Variants in FIGLA observed in about 807,000 individuals in gnomAD.
FIGLA encodes the protein factor in the germline alpha.
In FIGLA, 17 loss-of-function variants were observed where a neutral mutation model predicts 21.5. The ratio of observed to expected loss-of-function variants is 0.79; its 90% CI spans 0.54 to 1.19. The LOEUF (loss-of-function observed/expected upper bound fraction) is 1.19, where lower values mean the gene tolerates loss of function less well. FIGLA is among the 50% of genes most tolerant of loss of function. FIGLA has a pLI of 0.00. For synonymous variants in FIGLA, 129 were observed against 117.6 expected (o/e 1.10, Z -0.63); for missense variants, 282 against 285.0 (o/e 0.99, Z 0.08).
intron 3 of FIGLA, among the ~76,000 whole-genome samples, chr2:70,780,620 G>A (rs903603025): frequency 1.4e-4 from 21 of 152,032 alleles, no homozygotes; most frequent in African/African-American, 2.9e-4. Context: ...TTGAATAATC[G>A]CTCAACTCAC....
intron 3 of FIGLA, among the ~76,000 whole-genome samples, chr2:70,780,717 G>A (rs1294973668): frequency 6.6e-6 from 1 of 152,160 alleles, no homozygotes; most frequent in East Asian, 1.9e-4. Flanking sequence ...CAAAGAAAAT[G>A]CGAGTTCTTC....
Position 70,790,384 on chromosome 2 carries a change from A to G in FIGLA, c.231+24T>C, listed in dbSNP as rs12713717. The G allele has an allele frequency of 0.29, 436,188 of 1,495,614 alleles. 69,159 individuals are homozygous for G. The highest frequency in any genetic ancestry group is 0.68 in the East Asian group (24,420 of 35,818). The allele number at this position is 1,495,614 out of a possible 1,614,324, so 92.6% of individuals were successfully genotyped here. ...GGTAGAGCAGGGAAGGGGGGAACGGACGTCGACCCTAGGGATCCCTCACCC... is the reference window on the plus strand; with the variant it reads ...GGTAGAGCAGGGAAGGGGGGAACGGGCGTCGACCCTAGGGATCCCTCACCC... On this transcript the variant is annotated intron_variant, in intron 1 of 4. Coordinates refer to ENST00000332372, the MANE Select transcript of FIGLA (RefSeq NM_001004311.3).
At position 70,785,643 on chromosome 2, in the gene FIGLA, G is replaced by T. The variant is rs782622487; in HGVS notation, c.385-4C>A. The T allele has an allele frequency of 6.2e-7, 1 of 1,608,100 alleles. No individual in the cohort carries two copies. Among genetic ancestry groups the T allele is most frequent in the Admixed American group, 1.7e-5 (1 of 60,006 alleles). On this transcript the variant is annotated splice_region_variant and splice_polypyrimidine_tract_variant and intron_variant, in intron 2 of 4. Coordinates refer to ENST00000332372, the MANE Select transcript of FIGLA (RefSeq NM_001004311.3). ...TCTGCTCATCTGGGTCTTGTTTCTG[G>T]AAACCATATTTAGTTGTCAAACAGT...
At position 70,790,555 on chromosome 2, in the gene FIGLA, G is replaced by T. The variant is rs373561603; in HGVS notation, c.84C>A (p.Asp28Glu). Residue 28 changes from aspartate (D) to glutamate (E), a missense_variant, in exon 1 of 5, where the codon GAC (aspartate) becomes GAA (glutamate). Asp to Glu is a conservative substitution (Grantham distance 45). Coordinates refer to ENST00000332372, the MANE Select transcript of FIGLA (RefSeq NM_001004311.3). ...LGTPQAEVLE[D>E]VLREQFGPLP... The stretch of plus-strand genomic sequence containing the variant: ...GCGGCCCGAACTGCTCCCGCAACAC[G>T]TCCTCCAGCACCTCGGCTTGCGGGG... 5.6e-5 allele frequency: 86 copies of T among 1,531,146 alleles called. 1 individual carries two copies. The East Asian group carries it at 1.6e-3, about 28-fold the overall frequency. The allele number at this position is 1,531,146 out of a possible 1,614,324, so 94.8% of individuals were successfully genotyped here. A position where few individuals can be genotyped will look rare whatever the true frequency, so the allele number is the denominator to read the frequency against.
chr2:70,790,473 A>G lies in FIGLA; in HGVS notation c.166T>C (p.Ser56Pro). 6.5e-7 allele frequency: 1 copy of G among 1,545,098 alleles called. No homozygotes were observed. Among genetic ancestry groups the G allele is most frequent in the Non-Finnish European group, 8.7e-7 (1 of 1,146,224 alleles). The change falls in exon 1 of 5, where the codon TCC becomes CCC. Residue 56 changes from serine to proline, a missense_variant. Coordinates refer to ENST00000332372, the MANE Select transcript of FIGLA (RefSeq NM_001004311.3). ...AGCACCAACTGGAGGTTTTCAGTGG[A>G]CGAGTAGCCGCCCGAGGGCAGCCGC... Reference protein sequence around the residue: ...LKRLPSGGYSSTENLQLVLER... With the variant: ...LKRLPSGGYSPTENLQLVLER...
At chr2:70,789,841 G>A (rs1553390574) in intron 1 of FIGLA, among the ~76,000 whole-genome samples, 1 of 152,204 alleles carries the variant, frequency 6.6e-6, no homozygotes, top group African/African-American at 2.4e-5. Context: ...GCTCGACTGG[G>A]AAACACTCAC....
At chr2:70,780,455 A>C (rs1224364118) in intron 3 of FIGLA, among the ~76,000 whole-genome samples, 2 of 152,150 alleles carry the variant, frequency 1.3e-5, no homozygotes, top group Non-Finnish European at 2.9e-5. Flanking sequence ...TTATGGAGTC[A>C]CCGCTTCAGG....
intron 3 of FIGLA, among the ~76,000 whole-genome samples, chr2:70,779,705 A>G (rs1675820263): frequency 6.6e-6 from 1 of 152,182 alleles, no homozygotes; most frequent in African/African-American, 2.4e-5. Context: ...TGTAACAGAT[A>G]CTATGTCTCT....
chr2:70,790,433 A>G lies in FIGLA; in HGVS notation c.206T>C (p.Val69Ala), dbSNP rs1553390692. 9.1e-6 allele frequency: 14 copies of G among 1,541,840 alleles called. No individual in the cohort carries two copies. The highest frequency in any genetic ancestry group is 1.1e-5 in the Non-Finnish European group (13 of 1,144,448). ...NLQLVLERRR[V>A]ANAKERERIK... is the part of the protein sequence containing the mutation. ...CCGCTCACGCTCCTTGGCGTTGGCC[A>G]CACGCCGCCGCTCCAGCACCAACTG... Residue 69 changes from valine (V) to alanine (A), a missense_variant, in exon 1 of 5, where the codon GTG becomes GCG. Transcript: ENST00000332372.
At chr2:70,787,855 C>T (rs959129625) in intron 1 of FIGLA, 54 bp from the exon 2 acceptor site, 1 of 1,571,092 alleles carries the variant, frequency 6.4e-7, no homozygotes, top group Middle Eastern at 1.7e-4. Context: ...GTATAGACAT[C>T]TCCCCAAGCT....
intron 3 of FIGLA, among the ~76,000 whole-genome samples, chr2:70,784,237 G>T (rs1405167238): frequency 2.6e-5 from 4 of 152,026 alleles, no homozygotes; most frequent in South Asian, 2.1e-4. Flanking sequence ...CCAGCAGGAA[G>T]CCTGTAGGAC....
intron 1 of FIGLA, among the ~76,000 whole-genome samples, chr2:70,789,270 T>G (rs951198331): frequency 6.6e-5 from 10 of 152,206 alleles, no homozygotes; most frequent in Non-Finnish European, 1.0e-4. Flanking sequence ...CACTCATTTC[T>G]GTCTTTTCCA....
intron 4 of FIGLA, 67 bp downstream of exon 4, chr2:70,777,570 G>A (rs1675782014): frequency 1.3e-6 from 2 of 1,565,990 alleles, no homozygotes; most frequent in Non-Finnish European, 1.7e-6. Flanking sequence ...GATGGAATTA[G>A]CACTCTTATT....
Position 70,790,440 on chromosome 2 carries a change from G to A in FIGLA, c.199C>T (p.Arg67Trp), listed in dbSNP as rs1365518801. The A allele has an allele frequency of 3.2e-6, 5 of 1,543,566 alleles. No individual in the cohort carries two copies. The highest frequency in any genetic ancestry group is 1.2e-5 in the South Asian group (1 of 83,510). ...CGCTCCTTGGCGTTGGCCACACGCC[G>A]CCGCTCCAGCACCAACTGGAGGTTT... ...TENLQLVLER[R>W]RVANAKERER... is the part of the protein sequence containing the mutation. The change falls in exon 1 of 5, where the codon CGG becomes TGG. Residue 67 changes from arginine to tryptophan, a missense_variant. By Grantham distance (101) the Arg-to-Trp change is moderately radical. Coordinates refer to ENST00000332372, the MANE Select transcript of FIGLA (RefSeq NM_001004311.3).
rs188230255 is a variant in FIGLA at position 70,782,048 on chromosome 2, G to C, written c.609+3367C>G. 4.1e-3 allele frequency among the ~76,000 whole-genome samples: 622 copies of C among 152,278 alleles called. 1 individual carries two copies. The highest frequency in any genetic ancestry group is 7.2e-3 in the Non-Finnish European group (492 of 68,026). ...TTCTGTACTATTTTTGCAACTTCCT[G>C]TGAATCTATAATTACTTCCAAATTA... On this transcript the variant is annotated intron_variant, in intron 3 of 4. Transcript: ENST00000332372.
At chr2:70,786,228 CTT>C (rs34626238) in intron 2 of FIGLA, among the ~76,000 whole-genome samples, 4,149 of 95,646 alleles carry the variant, frequency 0.043, 132 homozygotes, top group African/African-American at 0.12. Flanking sequence ...ACTTTTCTGC[CTT>C]TTTTTTTTTT....
chr2:70,790,322 G>C, intron 1 of FIGLA, 86 bp downstream of exon 1: 1 of 1,359,098 alleles, frequency 7.4e-7, no homozygotes, highest in Non-Finnish European at 9.7e-7. Context: ...GGGGGTGGGC[G>C]GTGAGCGGAC....
chr2:70,787,680 C>A lies in FIGLA; in HGVS notation c.353G>T (p.Ser118Ile). ...KGATEYIQVLSDLLEGAKDSK... is the reference protein window; with the variant it reads ...KGATEYIQVLIDLLEGAKDSK... Reference sequence around the variant, plus strand: ...GTCTTTGGCTCCTTCCAAAAGATCACTGAGAACCTGTATATATTCAGTCGC... The same window carrying A: ...GTCTTTGGCTCCTTCCAAAAGATCAATGAGAACCTGTATATATTCAGTCGC... The change falls in exon 2 of 5, where the codon AGT (serine) becomes ATT (isoleucine). Residue 118 changes from serine to isoleucine, a missense_variant. Physicochemically the swap from Ser to Ile is moderately radical, Grantham distance 142. Coordinates refer to ENST00000332372, the MANE Select transcript of FIGLA (RefSeq NM_001004311.3). The A allele has an allele frequency of 6.3e-7, 1 of 1,586,358 alleles. No individual in the cohort carries two copies. The highest frequency in any genetic ancestry group is 8.6e-7 in the Non-Finnish European group (1 of 1,165,670).
At chr2:70,781,654 A>G (rs1318020662) in intron 3 of FIGLA, among the ~76,000 whole-genome samples, 6 of 152,356 alleles carry the variant, frequency 3.9e-5, no homozygotes, top group Admixed American at 3.9e-4. Context: ...GGATGATCTC[A>G]AGGGCATCAT....
Sources: gnomAD v4.1 joint callset for allele counts (sites outside exome capture counted in the v4.1 genomes callset) on GRCh38, gnomAD v4.1.1 for gene constraint, MANE v1.5 for transcripts, NCBI Gene and HGNC (gene_info 2026-07-23, HGNC 2026-07-21) for gene names.